Variants in RPTOR observed in about 807,000 individuals in gnomAD.
RPTOR encodes the protein regulatory associated protein of MTOR complex 1.
In RPTOR, 21 loss-of-function variants were observed where a neutral mutation model predicts 169.9. The observed-to-expected ratio is 0.12, with a 90% CI of 0.09 to 0.18. The LOEUF (loss-of-function observed/expected upper bound fraction) is 0.18, where lower values mean the gene tolerates loss of function less well. RPTOR is among the 10% of genes least tolerant of loss of function. The pLI is 1.00. For synonymous variants in RPTOR, 732 were observed against 753.2 expected (o/e 0.97, Z 0.46); for missense variants, 1,133 against 1,855.9 (o/e 0.61, Z 7.16).
intron 11 of RPTOR, among the ~76,000 whole-genome samples, chr17:80,847,358 C>T (rs1235191137): frequency 6.6e-6 from 1 of 152,178 alleles, no homozygotes; most frequent in African/African-American, 2.4e-5. Flanking sequence ...GAGTTCGTCA[C>T]AGGTAGTGAA....
At chr17:80,770,516 T>A (rs2066832044) in intron 6 of RPTOR, among the ~76,000 whole-genome samples, 1 of 152,144 alleles carries the variant, frequency 6.6e-6, no homozygotes, top group Admixed American at 6.5e-5. Context: ...GGGTGAGGCT[T>A]AGAACTGGGC....
intron 1 of RPTOR, among the ~76,000 whole-genome samples, chr17:80,599,747 C>T (rs1170812821): frequency 6.6e-6 from 1 of 152,160 alleles, no homozygotes; most frequent in Non-Finnish European, 1.5e-5. Context: ...TTGCCTACCC[C>T]GGAAGGAAAG....
intron 1 of RPTOR, among the ~76,000 whole-genome samples, chr17:80,581,622 G>T (rs374974396): frequency 2.7e-5 from 4 of 146,810 alleles, no homozygotes; most frequent in Admixed American, 2.1e-4. Flanking sequence ...CTGCAGTGGA[G>T]ACCGCACATC....
intron 26 of RPTOR, 60 bp downstream of exon 26, chr17:80,945,841 G>C: frequency 2.1e-6 from 2 of 968,440 alleles, no homozygotes; most frequent in Non-Finnish European, 3.0e-6. Flanking sequence ...GCGATGCCCT[G>C]TTCTCCCCCG....
intron 11 of RPTOR, among the ~76,000 whole-genome samples, chr17:80,850,797 T>C (rs2067785614): frequency 6.6e-6 from 1 of 152,230 alleles, no homozygotes; most frequent in South Asian, 2.1e-4. Flanking sequence ...AAAACCGCCC[T>C]GCTCATCAGG....
intron 4 of RPTOR, among the ~76,000 whole-genome samples, chr17:80,729,479 A>G (rs369913730): frequency 6.6e-6 from 1 of 152,222 alleles, no homozygotes; most frequent in Non-Finnish European, 1.5e-5. Context: ...TCTCCTCTGC[A>G]TTTACCAGAA....
intron 6 of RPTOR, among the ~76,000 whole-genome samples, chr17:80,773,125 G>A (rs1369247997): frequency 7.0e-6 from 1 of 142,294 alleles, no homozygotes; most frequent in East Asian, 2.0e-4. Flanking sequence ...TCTCCCACTG[G>A]AGAAAGCAGT....
chr17:80,887,712 G>A (rs1378093565), intron 17 of RPTOR, among the ~76,000 whole-genome samples: 1 of 152,138 alleles, frequency 6.6e-6, no homozygotes, highest in African/African-American at 2.4e-5. Flanking sequence ...AACGTGTACT[G>A]GTTACCAAAA....
At chr17:80,786,491 GT>G (rs1378893356) in intron 6 of RPTOR, among the ~76,000 whole-genome samples, 2 of 152,214 alleles carry the variant, frequency 1.3e-5, no homozygotes, top group Admixed American at 6.5e-5. Flanking sequence ...ATACAACAGA[GT>G]TTAATTGAGC....
At chr17:80,866,002 A>G (rs1249418986) in intron 13 of RPTOR, among the ~76,000 whole-genome samples, 1 of 152,208 alleles carries the variant, frequency 6.6e-6, no homozygotes, top group African/African-American at 2.4e-5. Context: ...ACTTAGAAAC[A>G]GAAACTTTTA....
intron 3 of RPTOR, among the ~76,000 whole-genome samples, chr17:80,693,462 T>C (rs1315918453): frequency 6.6e-6 from 1 of 152,220 alleles, no homozygotes; most frequent in Non-Finnish European, 1.5e-5. Flanking sequence ...AAACCAGCTA[T>C]TCTAGTTCTT....
chr17:80,617,472 C>T (rs574711982), intron 1 of RPTOR, among the ~76,000 whole-genome samples: 8 of 152,230 alleles, frequency 5.3e-5, no homozygotes, highest in South Asian at 4.1e-4. Flanking sequence ...GTTTAATATA[C>T]GCCATTTAAT....
rs1568305246 is a variant in RPTOR, at chr17:80,562,474, A to C, written c.162+16683A>C. 6.6e-6 allele frequency among the ~76,000 whole-genome samples: 1 copy of C among 152,034 alleles called. No individual in the cohort carries two copies. Among genetic ancestry groups the C allele is most frequent in the Non-Finnish European group, 1.5e-5 (1 of 67,994 alleles). On this transcript the variant is annotated intron_variant, in intron 1 of 33. Transcript: ENST00000306801. The surrounding 1 kb of genome is among the most constrained non-coding windows in gnomAD (Gnocchi z 4.4). ...TTGATGTTTTCTTGGAGAGCTTTTT[A>C]TTTTATCCTTAAAAGTAGATCAGAC...
intron 13 of RPTOR, among the ~76,000 whole-genome samples, chr17:80,867,241 T>A (rs117751575): frequency 6.6e-6 from 1 of 152,090 alleles, no homozygotes; most frequent in Non-Finnish European, 1.5e-5. Context: ...TATTAAAGAA[T>A]TATTTTTAAA....
At chr17:80,648,382 T>G (rs8064620) in intron 3 of RPTOR, among the ~76,000 whole-genome samples, 95,941 of 151,612 alleles carry the variant, frequency 0.63, 30,757 homozygotes, top group African/African-American at 0.73. Flanking sequence ...CCATGTTGTT[T>G]AGGGGTTTGG....
intron 4 of RPTOR, among the ~76,000 whole-genome samples, chr17:80,712,489 G>A (rs1389676043): frequency 6.6e-6 from 1 of 152,160 alleles, no homozygotes; most frequent in Non-Finnish European, 1.5e-5. Context: ...GTGTCTTTTT[G>A]TGGCTTGATA....
intron 6 of RPTOR, among the ~76,000 whole-genome samples, chr17:80,789,485 C>T (rs143120226): frequency 2.6e-5 from 4 of 152,330 alleles, no homozygotes; most frequent in Admixed American, 6.5e-5. Context: ...CTCTACTCTG[C>T]GTTTTCAACC....
At chr17:80,551,437 T>G (rs2143210343) in intron 1 of RPTOR, among the ~76,000 whole-genome samples, 1 of 152,090 alleles carries the variant, frequency 6.6e-6, no homozygotes, top group African/African-American at 2.4e-5. Flanking sequence ...CACAAGACAA[T>G]AGTGGGGAGA....
At position 80,827,748 on chromosome 17, in the gene RPTOR, G is replaced by A. The variant is rs560242141; in HGVS notation, c.1136+4525G>A. ...ACAGCTCCCCTGAGGCACACCAGTC[G>A]CGGCGGGTGACCACAGGTGGTCATG... is the stretch of plus-strand genomic sequence containing the variant. On this transcript the variant is annotated intron_variant, in intron 9 of 33. Transcript: ENST00000306801. Among the ~76,000 whole-genome samples, 12 of 152,284 alleles carry A rather than the reference G, an allele frequency of 7.9e-5. 1 individual carries two copies. The South Asian group carries it at 1.7e-3, about 21-fold the overall frequency.
Sources: allele counts gnomAD v4.1 joint callset (sites outside exome capture counted in the v4.1 genomes callset), GRCh38; gene constraint gnomAD v4.1.1; non-coding constraint Gnocchi (gnomAD v3.1); transcripts MANE v1.5; gene names NCBI Gene and HGNC (gene_info 2026-07-23, HGNC 2026-07-21).